SPIDR: variants seen among roughly 807,000 people sequenced by gnomAD.
SPIDR encodes the protein DNA repair-scaffolding protein.
SPIDR carries 93 observed loss-of-function variants against 104.6 expected under a neutral mutation model. The observed-to-expected ratio is 0.89, with a 90% confidence interval of 0.75 to 1.06. SPIDR has a LOEUF of 1.06. Among genes scored for constraint, SPIDR ranks in the 50% least tolerant of loss-of-function variants. The pLI is 0.00. For missense variants in SPIDR, 1,154 were observed against 1,111.2 expected (o/e 1.04, Z -0.55); for synonymous variants, 431 against 416.9 (o/e 1.03, Z -0.41).
chr8:47,549,410 T>A (rs1221680871), intron 8 of SPIDR, among the ~76,000 whole-genome samples: 1 of 152,244 alleles, frequency 6.6e-6, no homozygotes, highest in Non-Finnish European at 1.5e-5. Context: ...TTCCTATTTC[T>A]GCACATCCTG....
chr8:47,408,734 A>G (rs1429059210), intron 7 of SPIDR, among the ~76,000 whole-genome samples: 1 of 152,228 alleles, frequency 6.6e-6, no homozygotes, highest in Non-Finnish European at 1.5e-5. Context: ...AGTTAGAACT[A>G]ATAAATGAAT....
chr8:47,485,032 G>A (rs2077366141), intron 8 of SPIDR, among the ~76,000 whole-genome samples: 1 of 152,224 alleles, frequency 6.6e-6, no homozygotes, highest in Admixed American at 6.5e-5. Context: ...CCAAGCGTGA[G>A]CTGAAGCAGG....
chr8:47,553,696 C>T (rs2090915761), intron 8 of SPIDR, among the ~76,000 whole-genome samples: 1 of 152,182 alleles, frequency 6.6e-6, no homozygotes. Flanking sequence ...CGAACATCCT[C>T]CTTTAGCTCG....
intron 8 of SPIDR, among the ~76,000 whole-genome samples, chr8:47,562,305 C>T (rs568087154): frequency 6.6e-6 from 1 of 152,240 alleles, no homozygotes; most frequent in African/African-American, 2.4e-5. Context: ...TTAATATTAC[C>T]TGTGTAACAG....
chr8:47,438,823 A>G (rs2068845168), intron 7 of SPIDR, among the ~76,000 whole-genome samples: 1 of 152,192 alleles, frequency 6.6e-6, no homozygotes, highest in Non-Finnish European at 1.5e-5. Flanking sequence ...TGTCATGGAC[A>G]CCTACATAAA....
intron 5 of SPIDR, among the ~76,000 whole-genome samples, chr8:47,318,132 G>A (rs191616670): frequency 4.6e-5 from 7 of 151,930 alleles, no homozygotes; most frequent in African/African-American, 1.5e-4. Flanking sequence ...GGCTTCAGAC[G>A]ATCAAACTAC....
At chr8:47,531,687 T>C (rs2086019550) in intron 8 of SPIDR, among the ~76,000 whole-genome samples, 1 of 152,144 alleles carries the variant, frequency 6.6e-6, no homozygotes, top group Non-Finnish European at 1.5e-5. Flanking sequence ...TACCTCTTCT[T>C]CCGGTATGCA....
intron 8 of SPIDR, among the ~76,000 whole-genome samples, chr8:47,455,826 C>T (rs1335015871): frequency 6.6e-6 from 1 of 152,030 alleles, no homozygotes; most frequent in African/African-American, 2.4e-5. Flanking sequence ...TAAATATATA[C>T]ACACTTAACA....
rs749027867 is a variant in SPIDR, at chr8:47,713,527, C to T, written c.2227C>T (p.Gln743Ter). 7 of 1,614,070 alleles carry T rather than the reference C, an allele frequency of 4.3e-6. No individual in the cohort carries two copies. The highest frequency in any genetic ancestry group is 5.9e-6 in the Non-Finnish European group (7 of 1,180,042). ...VCAERTVLLL[Q>*]KPLLSVVSGA... is the part of the protein sequence containing the mutation. ...TGCTGAACGAACTGTCCTCTTGCTT[C>T]AGAAGCCCCTTTTGAGTGTGGTCTC... Residue 743 changes from glutamine to a stop codon, truncating the protein, a stop_gained, in exon 16 of 20, where the codon CAG becomes TAG. Coordinates refer to ENST00000297423, the MANE Select transcript of SPIDR (RefSeq NM_001080394.4). LOFTEE classifies it high-confidence loss of function.
chr8:47,348,015 G>A (rs909988365), intron 5 of SPIDR, among the ~76,000 whole-genome samples: 7 of 152,058 alleles, frequency 4.6e-5, no homozygotes, highest in African/African-American at 1.4e-4. Context: ...TATTTTGCTC[G>A]TTATTTGATG....
intron 10 of SPIDR, among the ~76,000 whole-genome samples, chr8:47,621,622 G>A (rs1467278523): frequency 6.6e-6 from 1 of 152,230 alleles, no homozygotes; most frequent in Non-Finnish European, 1.5e-5. Context: ...ACAGAGCTGT[G>A]TGAATACAGG....
intron 3 of SPIDR, among the ~76,000 whole-genome samples, chr8:47,288,204 T>G (rs1385990772): frequency 6.6e-6 from 1 of 152,216 alleles, no homozygotes; most frequent in African/African-American, 2.4e-5. Context: ...TTATTGGACT[T>G]CCTTATTAAC....
Position 47,577,148 on chromosome 8 carries a change from C to T in SPIDR, c.1098-18663C>T, listed in dbSNP as rs368720782. Among the ~76,000 whole-genome samples, 31 of 152,324 alleles carry T rather than the reference C, an allele frequency of 2.0e-4. 1 individual carries two copies. Among genetic ancestry groups the T allele is most frequent in the African/African-American group, 7.2e-4 (30 of 41,562 alleles). ...AGCAATTGAGCTGTGGGCCTAGAGA[C>T]TTAAGTTATGATTTTTACATTTTTC... On this transcript the variant is annotated intron_variant, in intron 8 of 19. Transcript: ENST00000297423.
intron 5 of SPIDR, among the ~76,000 whole-genome samples, chr8:47,326,713 G>A (rs1282385676): frequency 1.3e-5 from 2 of 152,206 alleles, no homozygotes; most frequent in Non-Finnish European, 2.9e-5. Flanking sequence ...CATATAGCAT[G>A]TGACCTTTTG....
intron 5 of SPIDR, among the ~76,000 whole-genome samples, chr8:47,342,328 CTTTTTTTTTTTTT>C (rs11357859): frequency 4.4e-5 from 3 of 68,916 alleles, no homozygotes; most frequent in Admixed American, 1.4e-4. Context: ...TTTCAAAGGT[CTTTTTTTTTTTTT>C]TTTTTTTTTT....
chr8:47,481,981 G>T (rs1183026866), intron 8 of SPIDR, among the ~76,000 whole-genome samples: 1 of 152,122 alleles, frequency 6.6e-6, no homozygotes, highest in East Asian at 1.9e-4. Flanking sequence ...TGTTCTATTT[G>T]GAGTAAATAA....
chr8:47,459,912 A>G (rs1737238770), intron 8 of SPIDR, among the ~76,000 whole-genome samples: 3 of 152,140 alleles, frequency 2.0e-5, no homozygotes, highest in South Asian at 4.1e-4. Context: ...ATTCAGGAGC[A>G]GGTTATTTAA....
chr8:47,727,337 G>T lies in SPIDR; in HGVS notation c.2435+44G>T, dbSNP rs370100153. The stretch of plus-strand genomic sequence containing the variant: ...TCCTGAAAGCCCTAGAACTGAAAGG[G>T]CACAGAAGCAACCCAGCCCCAGAAC... On this transcript the variant is annotated intron_variant, in intron 17 of 19. Transcript: ENST00000297423. 8.2e-6 allele frequency: 13 copies of T among 1,584,210 alleles called. No individual in the cohort carries two copies. The African/African-American group carries it at 1.7e-4, about 21-fold the overall frequency.
intron 8 of SPIDR, among the ~76,000 whole-genome samples, chr8:47,456,150 C>G (rs1211518655): frequency 7.9e-5 from 12 of 152,160 alleles, no homozygotes; most frequent in African/African-American, 2.9e-4. Flanking sequence ...ATGCTACAGT[C>G]CTAACTCCCA....
Sources: gnomAD v4.1 joint callset for allele counts (sites outside exome capture counted in the v4.1 genomes callset) on GRCh38, gnomAD v4.1.1 for gene constraint, MANE v1.5 for transcripts, NCBI Gene and HGNC (gene_info 2026-07-23, HGNC 2026-07-21) for gene names.